The following SAMD12 variants were observed in gnomAD, a reference collection of about 807,000 sequenced individuals.
The protein encoded by SAMD12 is sterile alpha motif domain-containing protein 12.
Under a neutral mutation model 15.0 loss-of-function variants are expected in SAMD12, and 9 were observed. That is an observed-to-expected ratio of 0.60 (90% CI 0.36 to 1.05). SAMD12 has a LOEUF of 1.05. SAMD12 is among the 50% of genes least tolerant of loss of function. The pLI is 0.01. For synonymous variants in SAMD12, 86 were observed against 90.1 expected (o/e 0.96, Z 0.25); for missense variants, 230 against 234.2 (o/e 0.98, Z 0.12).
downstream of SAMD12, among the ~76,000 whole-genome samples, chr8:118,375,351 G>A (rs764199045): frequency 6.6e-6 from 1 of 152,014 alleles, no homozygotes; most frequent in Non-Finnish European, 1.5e-5. Flanking sequence ...TCTCTTATAC[G>A]CATATGTAAA....
At chr8:118,330,968 AG>A (rs2130497698) in intron 4 of SAMD12, among the ~76,000 whole-genome samples, 2 of 152,322 alleles carry the variant, frequency 1.3e-5, no homozygotes, top group East Asian at 3.9e-4. Context: ...CTATAAAAAT[AG>A]AAAAAAAAGA....
chr8:118,464,701 C>T lies in SAMD12; in HGVS notation c.193-24740G>A, dbSNP rs148399142. Among the ~76,000 whole-genome samples the T allele has an allele frequency of 3.4e-4, 51 of 151,956 alleles. 1 individual carries two copies. The highest frequency in any genetic ancestry group is 9.7e-4 in the African/African-American group (40 of 41,434). ...TTCCTGTTACAGGCTCCTAGTGGGCCGTCCCCTTTAAAATTCAACTCTTTT... is the reference window on the plus strand; with the variant it reads ...TTCCTGTTACAGGCTCCTAGTGGGCTGTCCCCTTTAAAATTCAACTCTTTT... On this transcript the variant is annotated intron_variant, in intron 2 of 3. Transcript: ENST00000314727.
At chr8:118,591,990 A>G (rs1586842004) in intron 1 of SAMD12, among the ~76,000 whole-genome samples, 1 of 152,200 alleles carries the variant, frequency 6.6e-6, no homozygotes, top group South Asian at 2.1e-4. Context: ...GGGAAGACTA[A>G]GAGATGCTAA....
At chr8:118,365,264 T>A (rs546365803) in intron 4 of SAMD12, among the ~76,000 whole-genome samples, 9 of 152,170 alleles carry the variant, frequency 5.9e-5, no homozygotes, top group Non-Finnish European at 8.8e-5. Flanking sequence ...AGAGTTAACT[T>A]TATGTGTCAA....
At chr8:118,549,837 A>G (rs531962488) in intron 2 of SAMD12, among the ~76,000 whole-genome samples, 22 of 152,338 alleles carry the variant, frequency 1.4e-4, no homozygotes, top group Admixed American at 7.8e-4. Context: ...GCTTAAAGGA[A>G]CTGATGGAGC....
intron 2 of SAMD12, among the ~76,000 whole-genome samples, chr8:118,532,584 C>G (rs534215351): frequency 6.6e-6 from 1 of 152,098 alleles, no homozygotes; most frequent in East Asian, 1.9e-4. Flanking sequence ...GTTTTTGGTT[C>G]GTAGGCTCTT....
chr8:118,357,488 C>G (rs1175403248), intron 4 of SAMD12, among the ~76,000 whole-genome samples: 1 of 152,156 alleles, frequency 6.6e-6, no homozygotes, highest in Non-Finnish European at 1.5e-5. Context: ...GTCTTGCCCT[C>G]CCAAAGTGCT....
At position 118,302,078 on chromosome 8, in the gene SAMD12, G is replaced by GTTTTTTTTTTTTT. The variant is rs58076997; in HGVS notation, c.433+77469_433+77481dup. Among the ~76,000 whole-genome samples the GTTTTTTTTTTTTT allele has an allele frequency of 2.4e-3, 182 of 74,688 alleles. 27 individuals carry two copies. The highest frequency in any genetic ancestry group is 0.012 in the African/African-American group (171 of 14,294). 49.0% of individuals were successfully genotyped at this position (74,688 alleles called of 152,430 possible). ...ATTTTCTAGCGCCAGATCTTTGAGA[G>GTTTTTTTTTTTTT]TTTTTTTTTTTTTTTTTTTTTTTTT... On this transcript the variant is annotated intron_variant, in intron 4 of 4. Coordinates refer to the SAMD12 transcript ENST00000409003.
intron 4 of SAMD12, among the ~76,000 whole-genome samples, chr8:118,259,212 C>T (rs534544314): frequency 8.3e-4 from 127 of 152,232 alleles, no homozygotes; most frequent in Non-Finnish European, 1.5e-3. Flanking sequence ...AGTACTCTAG[C>T]TTAACAATCC....
the SAMD12 span, among the ~76,000 whole-genome samples, chr8:118,139,318 C>A: frequency 5.3e-5 from 8 of 151,848 alleles, no homozygotes; most frequent in Admixed American, 5.2e-4. Context: ...TTCTCATTCA[C>A]TCAATGAAAA....
At chr8:118,520,931 T>C (rs1448664064) in intron 2 of SAMD12, among the ~76,000 whole-genome samples, 4 of 152,188 alleles carry the variant, frequency 2.6e-5, no homozygotes, top group African/African-American at 9.7e-5. Context: ...GTAAACCTAT[T>C]ATGTAGCACA....
chr8:118,611,388 G>C (rs1828108246), intron 1 of SAMD12, among the ~76,000 whole-genome samples: 1 of 152,142 alleles, frequency 6.6e-6, no homozygotes, highest in Admixed American at 6.6e-5. Flanking sequence ...ACAAAGCACG[G>C]ATACATACCT....
chr8:118,432,845 A>G (rs1461242491), intron 3 of SAMD12, among the ~76,000 whole-genome samples: 1 of 151,986 alleles, frequency 6.6e-6, no homozygotes, highest in Non-Finnish European at 1.5e-5. Context: ...CACCATCACC[A>G]CCACCCCTAG....
chr8:118,289,696 T>C (rs1377566832), intron 4 of SAMD12, among the ~76,000 whole-genome samples: 1 of 152,212 alleles, frequency 6.6e-6, no homozygotes, highest in Non-Finnish European at 1.5e-5. Flanking sequence ...GTTCTAATTC[T>C]TGGTAACTGT....
At chr8:118,552,775 G>T (rs1826385412) in intron 2 of SAMD12, among the ~76,000 whole-genome samples, 1 of 152,150 alleles carries the variant, frequency 6.6e-6, no homozygotes, top group African/African-American at 2.4e-5. Context: ...TGTATCTCTA[G>T]AAAACCCCAT....
chr8:118,256,361 G>T (rs1007800523), intron 4 of SAMD12, among the ~76,000 whole-genome samples: 4 of 152,052 alleles, frequency 2.6e-5, no homozygotes, highest in African/African-American at 9.7e-5. Context: ...ATGTTTTAAT[G>T]ACTCCTTTTC....
chr8:118,409,276 G>A (rs1014077983), intron 3 of SAMD12, among the ~76,000 whole-genome samples: 16 of 152,026 alleles, frequency 1.1e-4, no homozygotes, highest in Non-Finnish European at 2.2e-4. Context: ...GATCATTGAC[G>A]AGATGAGTTT....
At chr8:118,582,160 T>TC (rs1448753825) in intron 1 of SAMD12, among the ~76,000 whole-genome samples, 2 of 152,092 alleles carry the variant, frequency 1.3e-5, no homozygotes, top group African/African-American at 4.8e-5. Context: ...CACTATCCAC[T>TC]CCCTCCTTAA....
chr8:118,337,627 A>T (rs896249544), intron 4 of SAMD12, among the ~76,000 whole-genome samples: 1 of 152,198 alleles, frequency 6.6e-6, no homozygotes, highest in Non-Finnish European at 1.5e-5. Context: ...TGCTGTCCCA[A>T]AGAGGGACAT....
Sources: gnomAD v4.1 joint callset for allele counts (sites outside exome capture counted in the v4.1 genomes callset) on GRCh38, gnomAD v4.1.1 for gene constraint, MANE v1.5 for transcripts, NCBI Gene and HGNC (gene_info 2026-07-23, HGNC 2026-07-21) for gene names.